DNAH7: variants seen among roughly 807,000 people sequenced by gnomAD.
DNAH7 encodes dynein axonemal heavy chain 7.
A neutral mutation model predicts 444.6 loss-of-function variants in DNAH7; 397 were observed. The ratio of observed to expected loss-of-function variants is 0.89; its 90% CI spans 0.82 to 0.97. DNAH7 has a LOEUF of 0.97. DNAH7 is among the 50% of genes least tolerant of loss of function. DNAH7 has a pLI of 0.00. For synonymous variants in DNAH7, 1,636 were observed against 1,624.4 expected (o/e 1.01, Z -0.17); for missense variants, 4,902 against 4,800.8 (o/e 1.02, Z -0.62).
chr2:196,006,119 G>GCCT (rs1447302219), intron 10 of DNAH7, among the ~76,000 whole-genome samples: 1 of 152,098 alleles, frequency 6.6e-6, no homozygotes, highest in Non-Finnish European at 1.5e-5. Flanking sequence ...TTTGAGACCA[G>GCCT]CCTGGGCAAC....
chr2:195,922,544 G>A (rs757280595), intron 23 of DNAH7, among the ~76,000 whole-genome samples: 2 of 152,032 alleles, frequency 1.3e-5, no homozygotes, highest in Non-Finnish European at 2.9e-5. Flanking sequence ...ATCTGGTAAC[G>A]GGAGGATCTG....
At chr2:195,984,150 T>C (rs536308422) in intron 15 of DNAH7, among the ~76,000 whole-genome samples, 36 of 152,186 alleles carry the variant, frequency 2.4e-4, no homozygotes, top group Non-Finnish European at 4.4e-4. Context: ...CAGATGAGCC[T>C]GCTGGGGCTT....
At chr2:195,933,161 C>A (rs931213892) in intron 21 of DNAH7, among the ~76,000 whole-genome samples, 2 of 152,284 alleles carry the variant, frequency 1.3e-5, no homozygotes, top group Non-Finnish European at 2.9e-5. Context: ...TGCTCATCAT[C>A]ACTGGCCATC....
intron 47 of DNAH7, among the ~76,000 whole-genome samples, chr2:195,840,706 G>C (rs550742307): frequency 6.6e-6 from 1 of 151,908 alleles, no homozygotes; most frequent in East Asian, 1.9e-4. Flanking sequence ...CTAATGAATA[G>C]TTGAACACAA....
intron 17 of DNAH7, among the ~76,000 whole-genome samples, chr2:195,963,815 T>C (rs1559280357): frequency 6.6e-6 from 1 of 152,218 alleles, no homozygotes; most frequent in Non-Finnish European, 1.5e-5. Flanking sequence ...CTAGCTTCAT[T>C]CTTCTGTATA....
chr2:195,883,843 G>A (rs1701561653), intron 35 of DNAH7, among the ~76,000 whole-genome samples: 2 of 152,078 alleles, frequency 1.3e-5, no homozygotes, highest in Admixed American at 1.3e-4. Flanking sequence ...TGTACCCAAT[G>A]ACTTGTATCT....
At chr2:195,778,695 T>TATATATACAC (rs1553518231) in intron 58 of DNAH7, among the ~76,000 whole-genome samples, 13 of 89,834 alleles carry the variant, frequency 1.4e-4, no homozygotes, top group East Asian at 4.9e-4. Context: ...TATATACACA[T>TATATATACAC]ATATATATAC....
At chr2:195,991,006 T>C (rs1416021842) in intron 12 of DNAH7, among the ~76,000 whole-genome samples, 2 of 148,380 alleles carry the variant, frequency 1.3e-5, no homozygotes, top group Non-Finnish European at 3.0e-5. Flanking sequence ...TTTAAAATCA[T>C]TTTATTGATA....
At chr2:195,795,386 C>T (rs997098864) in intron 56 of DNAH7, among the ~76,000 whole-genome samples, 1 of 152,040 alleles carries the variant, frequency 6.6e-6, no homozygotes, top group Non-Finnish European at 1.5e-5. Flanking sequence ...CATCTCAAAA[C>T]CACAACAACA....
chr2:195,999,852 G>A lies in DNAH7; in HGVS notation c.1353+852C>T, dbSNP rs1319999229. ...TATAAGATGCTTCCACTTATACAAA[G>A]ACATGGAAAAACTAAACATAAATTG... On this transcript the variant is annotated intron_variant, in intron 12 of 64. Transcript: ENST00000312428. 2.0e-5 allele frequency among the ~76,000 whole-genome samples: 3 copies of A among 152,090 alleles called. No individual in the cohort carries two copies. The East Asian group carries it at 5.8e-4, about 29-fold the overall frequency.
intron 46 of DNAH7, among the ~76,000 whole-genome samples, chr2:195,849,991 C>T (rs1278398171): frequency 6.6e-6 from 1 of 152,114 alleles, no homozygotes; most frequent in African/African-American, 2.4e-5. Context: ...TTGGATCTAG[C>T]TTGAAGCTGG....
In DNAH7 at chr2:195,840,569, T is replaced by C. The variant is rs1385375770; in HGVS notation, c.8945+4433A>G. Reference sequence around the variant, plus strand: ...AAGTAGTAAGTTAAACTGTCACTAATTGCAAACAGCATGATTGTCTACATA... The same window carrying C: ...AAGTAGTAAGTTAAACTGTCACTAACTGCAAACAGCATGATTGTCTACATA... On this transcript the variant is annotated intron_variant, in intron 47 of 64. Coordinates refer to ENST00000312428, the MANE Select transcript of DNAH7 (RefSeq NM_018897.3). Among the ~76,000 whole-genome samples the C allele has an allele frequency of 2.6e-5, 4 of 151,820 alleles. No homozygotes were observed. The East Asian group carries it at 5.8e-4, about 22-fold the overall frequency.
At chr2:196,020,278 C>T (rs1478923554) in intron 8 of DNAH7, among the ~76,000 whole-genome samples, 1 of 151,994 alleles carries the variant, frequency 6.6e-6, no homozygotes, top group Non-Finnish European at 1.5e-5. Flanking sequence ...TATTTAACCA[C>T]GTATAAAAAT....
At chr2:195,898,936 A>G (rs960215779) in intron 28 of DNAH7, among the ~76,000 whole-genome samples, 1 of 152,188 alleles carries the variant, frequency 6.6e-6, no homozygotes, top group Non-Finnish European at 1.5e-5. Context: ...ATTATTCAAC[A>G]TCTCACTCCA....
intron 58 of DNAH7, among the ~76,000 whole-genome samples, chr2:195,779,383 A>T (rs963651055): frequency 1.5e-4 from 23 of 152,222 alleles, no homozygotes; most frequent in African/African-American, 5.5e-4. Flanking sequence ...AGAAGCTTAT[A>T]AAAAGCAATT....
chr2:195,755,146 A>G (rs1694010264), intron 62 of DNAH7, among the ~76,000 whole-genome samples: 1 of 152,242 alleles, frequency 6.6e-6, no homozygotes, highest in Admixed American at 6.5e-5. Context: ...AGATCCCCAT[A>G]AAGTCTGGTC....
At chr2:195,957,476 T>C in intron 18 of DNAH7, 29 bp from the exon 19 acceptor site, 1 of 1,467,360 alleles carries the variant, frequency 6.8e-7, no homozygotes. Flanking sequence ...TGGCTCTTAC[T>C]GACAGCAAAC....
chr2:195,818,393 A>C (rs1697317131), intron 49 of DNAH7, among the ~76,000 whole-genome samples: 1 of 152,208 alleles, frequency 6.6e-6, no homozygotes, highest in Admixed American at 6.5e-5. Flanking sequence ...CATGGTGTCC[A>C]TCAAGACTGT....
chr2:195,840,349 A>C (rs918967862), intron 47 of DNAH7, among the ~76,000 whole-genome samples: 8 of 151,772 alleles, frequency 5.3e-5, no homozygotes, highest in African/African-American at 1.9e-4. Context: ...AATAGAAGGG[A>C]GTCTCTTTCA....
Sources: allele counts gnomAD v4.1 joint callset (sites outside exome capture counted in the v4.1 genomes callset), GRCh38; gene constraint gnomAD v4.1.1; transcripts MANE v1.5; gene names NCBI Gene and HGNC (gene_info 2026-07-23, HGNC 2026-07-21).